The following SEPTIN3 variants were observed in gnomAD, a reference collection of about 807,000 sequenced individuals.
SEPTIN3 encodes septin 3, also known as neuronal-specific septin-3.
In SEPTIN3, 15 loss-of-function variants were observed where a neutral mutation model predicts 45.1. The observed-to-expected ratio is 0.33, with a 90% CI of 0.22 to 0.51. The LOEUF (loss-of-function observed/expected upper bound fraction) is 0.51. SEPTIN3 is among the 20% of genes least tolerant of loss of function. SEPTIN3 has a pLI of 0.97. For missense variants in SEPTIN3, 289 were observed against 457.2 expected, an observed-to-expected ratio of 0.63 and a Z score of 3.35; for synonymous variants, 148 against 164.8, an observed-to-expected ratio of 0.90 and a Z score of 0.78.
intron 2 of SEPTIN3, among the ~76,000 whole-genome samples, chr22:41,980,129 CTTTTTTTTTT>C (rs569424612): frequency 9.7e-5 from 10 of 103,408 alleles, no homozygotes; most frequent in African/African-American, 2.6e-4. Context: ...TGCTCAGTGC[CTTTTTTTTTT>C]TTTTTTTTTT....
At position 41,995,435 on chromosome 22, in the gene SEPTIN3, C is replaced by T; in HGVS notation, c.2505+721C>T. The T allele has an allele frequency of 3.0e-6, 3 of 985,630 alleles. No homozygotes were observed. The South Asian group carries it at 1.4e-4, about 46-fold the overall frequency. The allele number at this position is 985,630 out of a possible 1,614,324, so 61.1% of individuals were successfully genotyped here. A position where few individuals can be genotyped will look rare whatever the true frequency, so the allele number is the denominator to read the frequency against. On this transcript the variant is annotated intron_variant, in intron 11 of 11. Transcript: ENST00000644076. ...CACCTGTCACCAGAGCCTACTGCTGCTCTCCACTCAACTGGCCTCTGCTGC... is the reference window on the plus strand; with the variant it reads ...CACCTGTCACCAGAGCCTACTGCTGTTCTCCACTCAACTGGCCTCTGCTGC...
chr22:41,987,773 C>T lies in SEPTIN3; in HGVS notation c.2045+14C>T. ...CACAGGACACTCGTATGTACCAACCCTACCCCTATTGTCAGGCCTGGTCTG... is the reference window on the plus strand; with the variant it reads ...CACAGGACACTCGTATGTACCAACCTTACCCCTATTGTCAGGCCTGGTCTG... On this transcript the variant is annotated intron_variant, in intron 6 of 11. Coordinates refer to ENST00000644076, the MANE Select transcript of SEPTIN3 (RefSeq NM_001363845.2). 6.2e-7 allele frequency: 1 copy of T among 1,603,292 alleles called. No individual in the cohort carries two copies. Among genetic ancestry groups the T allele is most frequent in the Non-Finnish European group, 8.5e-7 (1 of 1,171,104 alleles).
intron 2 of SEPTIN3, among the ~76,000 whole-genome samples, chr22:41,980,284 C>T (rs2078101155): frequency 6.6e-6 from 1 of 151,920 alleles, no homozygotes; most frequent in Non-Finnish European, 1.5e-5. Flanking sequence ...ATTACAGGCG[C>T]CTGCCACCAT....
At chr22:41,988,669 C>G (rs950497960) in intron 6 of SEPTIN3, among the ~76,000 whole-genome samples, 1 of 152,134 alleles carries the variant, frequency 6.6e-6, no homozygotes, top group Non-Finnish European at 1.5e-5. Context: ...CTTAGTGAGT[C>G]CCTGAGATTG....
At chr22:41,979,267 T>C (rs1259013160) in intron 2 of SEPTIN3, among the ~76,000 whole-genome samples, 2 of 152,144 alleles carry the variant, frequency 1.3e-5, no homozygotes, top group Non-Finnish European at 2.9e-5. Context: ...GATGCTGCAG[T>C]TGACAGGCCA....
intron 2 of SEPTIN3, chr22:41,977,164 C>T: frequency 7.3e-7 from 1 of 1,372,048 alleles, no homozygotes; most frequent in Non-Finnish European, 9.8e-7. Context: ...GGGAGGGTTT[C>T]CGCGCCGAGG....
At chr22:41,979,281 C>T (rs1475225583) in intron 2 of SEPTIN3, among the ~76,000 whole-genome samples, 2 of 152,038 alleles carry the variant, frequency 1.3e-5, no homozygotes, top group South Asian at 4.2e-4. Context: ...CAGGCCAGGG[C>T]GGAGCAGGCC....
At chr22:41,981,965 A>T (rs1394669448) in intron 3 of SEPTIN3, 129 bp downstream of exon 3, 26 of 858,978 alleles carry the variant, frequency 3.0e-5, no homozygotes, top group Non-Finnish European at 4.7e-5. Context: ...GAATTTCACC[A>T]TGCTGATCAC....
intron 2 of SEPTIN3, among the ~76,000 whole-genome samples, chr22:41,977,837 AG>A (rs1427501390): frequency 6.6e-6 from 1 of 152,188 alleles, no homozygotes; most frequent in Non-Finnish European, 1.5e-5. Flanking sequence ...AGGAAGTGCC[AG>A]GGTCTTTGCT....
intron 5 of SEPTIN3, 30 bp downstream of exon 5, chr22:41,987,317 T>C (rs138349159): frequency 8.3e-5 from 130 of 1,564,142 alleles, no homozygotes; most frequent in East Asian, 2.2e-4. Context: ...ATCTTTGCCC[T>C]AAAGACTCTG....
intron 2 of SEPTIN3, 115 bp from the exon 3 acceptor site, chr22:41,981,530 C>G (rs925068695): frequency 1.3e-5 from 11 of 825,354 alleles, no homozygotes; most frequent in African/African-American, 8.6e-5. Flanking sequence ...TACTAAGATC[C>G]CTTCCAGGCC....
rs1325568332 is a variant in SEPTIN3, at chr22:41,994,546, C to T, written c.2412-75C>T. On this transcript the variant is annotated intron_variant, in intron 10 of 11. Transcript: ENST00000644076. The surrounding 1 kb of genome is among the most constrained non-coding windows in gnomAD (Gnocchi z 4.2). ...TTCCCATTCACTGGGTCCAGTCCCTCGAAGTGATGTGTGTCACCGCCTCCT... is the reference window on the plus strand; with the variant it reads ...TTCCCATTCACTGGGTCCAGTCCCTTGAAGTGATGTGTGTCACCGCCTCCT... 3.1e-6 allele frequency: 5 copies of T among 1,602,982 alleles called. No homozygotes were observed. Among genetic ancestry groups the T allele is most frequent in the Non-Finnish European group, 3.4e-6 (4 of 1,174,104 alleles).
rs1259049970 is a variant in SEPTIN3, at chr22:41,986,080, C to G, written c.1793C>G (p.Pro598Arg). Residue 598 changes from proline (P) to arginine (R), a missense_variant, in exon 4 of 12, where the codon CCC becomes CGC. Transcript: ENST00000644076. ...ASSWNREEKI[P>R]KTVEIKAIGH... The stretch of plus-strand genomic sequence containing the variant: ...AGCTGGAACCGGGAGGAGAAGATCC[C>G]CAAGACAGTGGAGATCAAAGCTATC... The G allele has an allele frequency of 2.5e-6, 4 of 1,613,454 alleles. No individual in the cohort carries two copies. The highest frequency in any genetic ancestry group is 3.4e-6 in the Non-Finnish European group (4 of 1,179,814).
chr22:41,995,001 T>C (rs2078405233), intron 11 of SEPTIN3: 2 of 1,305,822 alleles, frequency 1.5e-6, no homozygotes, highest in South Asian at 1.7e-5. Context: ...GAGAGTCCCT[T>C]GTAAGTTTGG....
chr22:41,989,537 T>C (rs1414963054), intron 6 of SEPTIN3, 30 bp from the exon 7 acceptor site: 1 of 1,483,032 alleles, frequency 6.7e-7, no homozygotes, highest in Non-Finnish European at 9.4e-7. Flanking sequence ...GCAAGGTGGC[T>C]CTGATGATTC....
Position 41,976,956 on chromosome 22 carries a change from G to C in SEPTIN3, c.1504+3960G>C. 1 of 1,103,904 alleles carries C rather than the reference G, an allele frequency of 9.1e-7. No individual in the cohort carries two copies. The allele number at this position is 1,103,904 out of a possible 1,614,324, so 68.4% of individuals were successfully genotyped here. A position where few individuals can be genotyped will look rare whatever the true frequency, so the allele number is the denominator to read the frequency against. On this transcript the variant is annotated intron_variant, in intron 2 of 11. Coordinates refer to ENST00000644076, the MANE Select transcript of SEPTIN3 (RefSeq NM_001363845.2). The surrounding 1 kb of genome is among the most constrained non-coding windows in gnomAD (Gnocchi z 5.8). ...GGGTGGGAGGAGAGCGCGAAGGGGC[G>C]AGGCCCGTTTGCAGGGGCCGCTCGG...
intron 2 of SEPTIN3, among the ~76,000 whole-genome samples, chr22:41,974,811 C>T (rs751876881): frequency 2.2e-5 from 3 of 134,436 alleles, no homozygotes; most frequent in African/African-American, 5.6e-5. Flanking sequence ...GCTGAGATTG[C>T]GTCACTGCAC....
intron 6 of SEPTIN3, 80 bp downstream of exon 6, chr22:41,987,839 C>T (rs773138939): frequency 3.2e-5 from 47 of 1,481,720 alleles, no homozygotes; most frequent in Admixed American, 2.6e-4. Context: ...ATGATCCATA[C>T]GTTGACTCAG....
chr22:41,992,397 C>T (rs1012785864), intron 8 of SEPTIN3, among the ~76,000 whole-genome samples: 2 of 152,078 alleles, frequency 1.3e-5, no homozygotes, highest in East Asian at 1.9e-4. Context: ...AAGTACAAAG[C>T]GCTCTGCAGC....
Sources: allele counts gnomAD v4.1 joint callset (sites outside exome capture counted in the v4.1 genomes callset), GRCh38; gene constraint gnomAD v4.1.1; non-coding constraint Gnocchi (gnomAD v3.1); transcripts MANE v1.5; gene names NCBI Gene and HGNC (gene_info 2026-07-23, HGNC 2026-07-21).